Variants in AXDND1 observed in about 807,000 individuals in gnomAD.
AXDND1 encodes the protein axonemal dynein light chain domain-containing protein 1.
A neutral mutation model predicts 137.5 loss-of-function variants in AXDND1; 110 were observed. The ratio of observed to expected loss-of-function variants is 0.80; its 90% confidence interval spans 0.69 to 0.94. AXDND1 has a LOEUF of 0.94. Ranked by LOEUF, AXDND1 falls within the 40% of genes least tolerant of loss-of-function variation. The probability of loss-of-function intolerance (pLI) is 0.00; values close to 1 mark genes in which losing one functional copy is unlikely to be tolerated. For synonymous variants in AXDND1, 414 were observed against 399.7 expected, an observed-to-expected ratio of 1.04 and a Z score of -0.43; for missense variants, 1,191 against 1,169.8, an observed-to-expected ratio of 1.02 and a Z score of -0.26.
chr1:179,394,514 C>T (rs36170341), intron 10 of AXDND1, among the ~76,000 whole-genome samples: 10,918 of 151,644 alleles, frequency 0.072, 497 homozygotes, highest in Middle Eastern at 0.14. Flanking sequence ...CACTTGAACC[C>T]GGGAGGTGGA....
chr1:179,378,641 A>T lies in AXDND1; in HGVS notation c.379A>T (p.Ile127Phe). 6.4e-7 allele frequency: 1 copy of T among 1,573,536 alleles called. No individual in the cohort carries two copies. The highest frequency in any genetic ancestry group is 8.6e-7 in the Non-Finnish European group (1 of 1,158,896). The change falls in exon 5 of 26, where the codon ATT (isoleucine) becomes TTT (phenylalanine). Residue 127 changes from isoleucine (I) to phenylalanine (F), a missense_variant. By Grantham distance (21) the Ile-to-Phe change is conservative (BLOSUM62 0). Transcript: ENST00000367618. Reference sequence around the variant, plus strand: ...TATATTTTTCTTACTTTTTAGGGATATTTCTTTTCTGTACGATGTAACATA... The same window carrying T: ...TATATTTTTCTTACTTTTTAGGGATTTTTCTTTTCTGTACGATGTAACATA... ...PVSLTGAGRDISFLYDVTYAK... is the reference protein window; with the variant it reads ...PVSLTGAGRDFSFLYDVTYAK...
At chr1:179,513,955 C>A (rs1028282958) in intron 21 of AXDND1, among the ~76,000 whole-genome samples, 3 of 151,966 alleles carry the variant, frequency 2.0e-5, no homozygotes, top group African/African-American at 7.2e-5. Flanking sequence ...TTTTTCTGTT[C>A]TTTTCTTGGT....
intron 11 of AXDND1, 70 bp downstream of exon 11, chr1:179,395,272 T>C: frequency 8.5e-7 from 1 of 1,178,990 alleles, no homozygotes; most frequent in Non-Finnish European, 1.2e-6. Flanking sequence ...TCTGAAATAA[T>C]ATATATGATA....
At chr1:179,500,024 G>T (rs1667834503) in intron 20 of AXDND1, among the ~76,000 whole-genome samples, 1 of 152,018 alleles carries the variant, frequency 6.6e-6, no homozygotes, top group Admixed American at 6.6e-5. Context: ...TTCTTATACA[G>T]ACTCTTTCAG....
At chr1:179,429,045 T>C (rs1227739745) in intron 12 of AXDND1, among the ~76,000 whole-genome samples, 1 of 151,966 alleles carries the variant, frequency 6.6e-6, no homozygotes, top group South Asian at 2.1e-4. Context: ...GGCATCGTGG[T>C]GGGTGCCTGT....
chr1:179,460,979 A>C (rs1394454809), intron 16 of AXDND1, among the ~76,000 whole-genome samples: 1 of 152,022 alleles, frequency 6.6e-6, no homozygotes, highest in African/African-American at 2.4e-5. Flanking sequence ...AGATTCTAAA[A>C]ATTTTCTCCC....
In AXDND1 at chr1:179,528,350, G is replaced by A. The variant is rs768381381; in HGVS notation, c.2634G>A (p.Lys878=). The A allele has an allele frequency of 3.7e-6, 6 of 1,613,588 alleles. No homozygotes were observed. Among genetic ancestry groups the A allele is most frequent in the African/African-American group, 2.7e-5 (2 of 75,018 alleles). The change falls in exon 23 of 26, where the codon AAG becomes AAA. Residue 878 remains lysine, a synonymous_variant. Coordinates refer to ENST00000367618, the MANE Select transcript of AXDND1 (RefSeq NM_144696.6). Reference sequence around the variant, plus strand: ...AGCAACCTTCAACATCTACAGAGAAGGAAAAACTCATTCGATTCATTGGAG... The same window carrying A: ...AGCAACCTTCAACATCTACAGAGAAAGAAAAACTCATTCGATTCATTGGAG... ...AEEQPSTSTE[K]EKLIRFIGED...
At chr1:179,536,127 T>C (rs112128312) in intron 25 of AXDND1, among the ~76,000 whole-genome samples, 18 of 152,348 alleles carry the variant, frequency 1.2e-4, no homozygotes, top group African/African-American at 3.8e-4. Flanking sequence ...TATTAGCCCT[T>C]TGTCAGATGG....
intron 3 of AXDND1, 149 bp from the exon 4 acceptor site, chr1:179,369,826 T>C (rs1337862261): frequency 1.1e-5 from 6 of 556,042 alleles, no homozygotes; most frequent in African/African-American, 9.4e-5. Flanking sequence ...TTAGTCTTTA[T>C]GTCATTTAAT....
chr1:179,434,214 C>CCTA (rs1223894024), intron 15 of AXDND1, among the ~76,000 whole-genome samples: 2 of 151,860 alleles, frequency 1.3e-5, no homozygotes, highest in African/African-American at 4.8e-5. Flanking sequence ...TAATTAATAA[C>CCTA]CTACCAACCA....
chr1:179,422,721 A>T (rs959465332), intron 12 of AXDND1, among the ~76,000 whole-genome samples: 1 of 152,126 alleles, frequency 6.6e-6, no homozygotes, highest in African/African-American at 2.4e-5. Flanking sequence ...TACTGAAAAG[A>T]GTGTTAAAAT....
At chr1:179,398,660 G>A (rs964779109) in intron 11 of AXDND1, among the ~76,000 whole-genome samples, 16 of 152,128 alleles carry the variant, frequency 1.1e-4, no homozygotes, top group Non-Finnish European at 8.8e-5. Flanking sequence ...TGGGGGCAAG[G>A]CTCTGGCAGA....
Position 179,447,646 on chromosome 1 carries a change from T to A in AXDND1, c.1798+2442T>A, listed in dbSNP as rs1427922428. 5 of 1,310,506 alleles carry A rather than the reference T, an allele frequency of 3.8e-6. No individual in the cohort carries two copies. The African/African-American group carries it at 7.2e-5, about 19-fold the overall frequency. 81.2% of individuals were successfully genotyped at this position (1,310,506 alleles called of 1,614,324 possible). A position where few individuals can be genotyped will look rare whatever the true frequency, so the allele number is the denominator to read the frequency against. ...TGAAGCGGGGATGACAACTCGAAGA[T>A]CTGGTTTTCCACTGTTCATTCCAAG... On this transcript the variant is annotated intron_variant, in intron 16 of 25. Transcript: ENST00000367618.
intron 11 of AXDND1, among the ~76,000 whole-genome samples, chr1:179,403,528 C>G (rs1387793171): frequency 6.6e-6 from 1 of 152,196 alleles, no homozygotes; most frequent in Non-Finnish European, 1.5e-5. Context: ...CTGCAATACA[C>G]AATTGACTGG....
At chr1:179,443,500 C>T (rs992575583) in intron 15 of AXDND1, among the ~76,000 whole-genome samples, 1 of 152,138 alleles carries the variant, frequency 6.6e-6, no homozygotes, top group Non-Finnish European at 1.5e-5. Context: ...CCATTCATTT[C>T]CAGGACTTTT....
At chr1:179,448,996 C>G in intron 16 of AXDND1, 1 of 318,630 alleles carries the variant, frequency 3.1e-6, no homozygotes, top group South Asian at 2.3e-5. Flanking sequence ...AAGCAATCCT[C>G]CCACCTCAAC....
chr1:179,553,674 AAT>A (rs1266107777), intron 25 of AXDND1, among the ~76,000 whole-genome samples: 6 of 152,230 alleles, frequency 3.9e-5, no homozygotes, highest in Non-Finnish European at 8.8e-5. Flanking sequence ...GAAATTAGAT[AAT>A]AGTAATGGAT....
At chr1:179,402,625 T>C (rs1366456244) in intron 11 of AXDND1, among the ~76,000 whole-genome samples, 1 of 152,338 alleles carries the variant, frequency 6.6e-6, no homozygotes, top group Non-Finnish European at 1.5e-5. Context: ...TCTAGCTGAT[T>C]AATCCCATCA....
chr1:179,537,567 T>C (rs1671676656), intron 25 of AXDND1, among the ~76,000 whole-genome samples: 2 of 152,206 alleles, frequency 1.3e-5, no homozygotes, highest in Admixed American at 1.3e-4. Context: ...TAGATAAGCT[T>C]TCTGATGTGC....
Sources: gnomAD v4.1 joint callset for allele counts (sites outside exome capture counted in the v4.1 genomes callset) on GRCh38, gnomAD v4.1.1 for gene constraint, MANE v1.5 for transcripts, NCBI Gene and HGNC (gene_info 2026-07-23, HGNC 2026-07-21) for gene names.